Variants in DPP6 observed in about 807,000 individuals in gnomAD.
DPP6 encodes dipeptidyl peptidase like 6, also known as A-type potassium channel modulatory protein DPP6.
In DPP6, 69 loss-of-function variants were observed where a neutral mutation model predicts 122.6. That is an observed-to-expected ratio of 0.56 (90% CI 0.46 to 0.69). The LOEUF is 0.69. Ranked by LOEUF, DPP6 falls within the 30% of genes least tolerant of loss-of-function variation. DPP6 has a pLI of 0.00. For missense variants in DPP6, 928 were observed against 1,116.9 expected, an observed-to-expected ratio of 0.83 and a Z score of 2.41; for synonymous variants, 418 against 433.1, an observed-to-expected ratio of 0.97 and a Z score of 0.43.
chr7:154,051,993 C>T (rs543372449), upstream of DPP6, among the ~76,000 whole-genome samples: 1 of 148,740 alleles, frequency 6.7e-6, no homozygotes, highest in African/African-American at 2.5e-5. Flanking sequence ...GCGGGGAGCC[C>T]GGCGCCGCAG....
chr7:154,418,694 C>T lies in DPP6; in HGVS notation c.244-27520C>T, dbSNP rs1817224772. On this transcript the variant is annotated intron_variant, in intron 1 of 25. Transcript: ENST00000377770. ...ACCAGATTATATTACTTCTGCCCTC[C>T]TTGGGAAATGCTATGTTAAATGTTA... Among the ~76,000 whole-genome samples, 3 of 152,302 alleles carry T rather than the reference C, an allele frequency of 2.0e-5. No individual in the cohort carries two copies. The South Asian group carries it at 6.2e-4, about 32-fold the overall frequency.
intron 2 of DPP6, among the ~76,000 whole-genome samples, chr7:154,463,530 A>G (rs550056151): frequency 6.6e-6 from 1 of 152,220 alleles, no homozygotes; most frequent in East Asian, 1.9e-4. Flanking sequence ...CTTAAGCAGA[A>G]GAAGTCTCTC....
chr7:154,198,610 G>A lies in DPP6; in HGVS notation c.243+145547G>A, dbSNP rs183504273. On this transcript the variant is annotated intron_variant, in intron 1 of 25. Coordinates refer to ENST00000377770, the MANE Select transcript of DPP6 (RefSeq NM_130797.4). ...ATTACAGGCGTGAGCCACTGCACCC[G>A]GCCTCACTTCACATATTTTAAATTT... is the stretch of plus-strand genomic sequence containing the variant. 1.6e-4 allele frequency among the ~76,000 whole-genome samples: 24 copies of A among 152,178 alleles called. 1 individual carries two copies. The East Asian group carries it at 3.9e-3, about 24-fold the overall frequency.
intron 1 of DPP6, among the ~76,000 whole-genome samples, chr7:154,413,206 C>A (rs987214557): frequency 6.6e-6 from 1 of 152,204 alleles, no homozygotes; most frequent in African/African-American, 2.4e-5. Flanking sequence ...ATCTTAAATT[C>A]TTTTCCAGTC....
chr7:154,751,965 G>A (rs1208700486), intron 8 of DPP6, among the ~76,000 whole-genome samples: 1 of 152,180 alleles, frequency 6.6e-6, no homozygotes, highest in Non-Finnish European at 1.5e-5. Flanking sequence ...GAGGGTTCTT[G>A]GGTCTTGTGC....
intron 1 of DPP6, among the ~76,000 whole-genome samples, chr7:154,118,095 G>A (rs1340486320): frequency 2.0e-5 from 3 of 149,216 alleles, no homozygotes; most frequent in African/African-American, 7.7e-5. Flanking sequence ...GGAAGCTGAG[G>A]GAGGAAGAAA....
At chr7:154,176,545 G>A (rs1242778421) in intron 1 of DPP6, among the ~76,000 whole-genome samples, 1 of 152,250 alleles carries the variant, frequency 6.6e-6, no homozygotes, top group African/African-American at 2.4e-5. Flanking sequence ...TTCAATGTGT[G>A]TGTTTTCACT....
chr7:154,195,995 T>C (rs1301811017), intron 1 of DPP6, among the ~76,000 whole-genome samples: 1 of 152,202 alleles, frequency 6.6e-6, no homozygotes, highest in East Asian at 1.9e-4. Flanking sequence ...AAACACCTCA[T>C]GTACTCCTGT....
In DPP6 at chr7:154,371,229, A is replaced by G. The variant is rs563770828; in HGVS notation, c.244-74985A>G. ...CCTGTGTCTACTAAAAAGTACAAAA[A>G]TTAGCCAGGCATGGTGGCAGGCACC... is the stretch of plus-strand genomic sequence containing the variant. On this transcript the variant is annotated intron_variant, in intron 1 of 25. Coordinates refer to ENST00000377770, the MANE Select transcript of DPP6 (RefSeq NM_130797.4). Among the ~76,000 whole-genome samples the G allele has an allele frequency of 2.0e-5, 3 of 152,064 alleles. No homozygotes were observed. In the East Asian group the frequency reaches 5.8e-4, roughly 30 times the overall value.
chr7:154,684,289 T>A (rs1404292137), intron 7 of DPP6, among the ~76,000 whole-genome samples: 1 of 151,636 alleles, frequency 6.6e-6, no homozygotes, highest in Non-Finnish European at 1.5e-5. Flanking sequence ...CACTCATCAC[T>A]CTCTGCTTTT....
intron 1 of DPP6, among the ~76,000 whole-genome samples, chr7:154,039,268 C>T (rs1009653876): frequency 1.4e-5 from 2 of 146,676 alleles, no homozygotes; most frequent in African/African-American, 5.4e-5. Flanking sequence ...AGGTACATTG[C>T]CAGTTTACAG....
chr7:154,775,983 C>A (rs1018876136), intron 10 of DPP6, among the ~76,000 whole-genome samples: 1 of 152,060 alleles, frequency 6.6e-6, no homozygotes, highest in Admixed American at 6.6e-5. Flanking sequence ...CTGGCATCAG[C>A]CTGCAACCCC....
chr7:153,796,980 C>T, the DPP6 span, among the ~76,000 whole-genome samples: 1 of 152,172 alleles, frequency 6.6e-6, no homozygotes, highest in Admixed American at 6.5e-5. Context: ...CTTTTTCTCA[C>T]TCATTCTAAG....
chr7:153,870,314 A>G, the DPP6 span, among the ~76,000 whole-genome samples: 1 of 152,108 alleles, frequency 6.6e-6, no homozygotes. Flanking sequence ...TGGTCTTTTC[A>G]CATAGTCCCA....
chr7:153,878,378 CA>C, the DPP6 span, among the ~76,000 whole-genome samples: 12,395 of 141,806 alleles, frequency 0.087, 663 homozygotes, highest in Middle Eastern at 0.13. Flanking sequence ...CCTATCCAAG[CA>C]AAAAAAAAAA....
the DPP6 span, among the ~76,000 whole-genome samples, chr7:153,815,175 G>A: frequency 3.1e-3 from 477 of 152,276 alleles, no homozygotes; most frequent in Middle Eastern, 0.017. Context: ...AATTGTTCCT[G>A]TTTGCAAATG....
At chr7:154,023,538 A>G (rs547814967) in intron 1 of DPP6, among the ~76,000 whole-genome samples, 11 of 151,732 alleles carry the variant, frequency 7.2e-5, no homozygotes, top group African/African-American at 2.4e-4. Context: ...CTGGAGTCCA[A>G]TGGTACGATC....
intron 1 of DPP6, among the ~76,000 whole-genome samples, chr7:154,214,461 TAAAC>T (rs1446706501): frequency 2.6e-5 from 4 of 152,182 alleles, no homozygotes; most frequent in Non-Finnish European, 5.9e-5. Context: ...AATTATTAAA[TAAAC>T]AGCCACTGTG....
chr7:154,779,989 T>G (rs1796926770), intron 10 of DPP6, among the ~76,000 whole-genome samples: 1 of 152,248 alleles, frequency 6.6e-6, no homozygotes, highest in African/African-American at 2.4e-5. Context: ...TGTAGTCCTA[T>G]CTCTGTTTTC....
Sources: gnomAD v4.1 joint callset for allele counts (sites outside exome capture counted in the v4.1 genomes callset) on GRCh38, gnomAD v4.1.1 for gene constraint, MANE v1.5 for transcripts, NCBI Gene and HGNC (gene_info 2026-07-23, HGNC 2026-07-21) for gene names.